The following NPC2 variants were observed in gnomAD, a reference collection of about 807,000 sequenced individuals.
NPC2 encodes Niemann-Pick disease type C2 protein.
A neutral mutation model predicts 17.0 loss-of-function variants in NPC2; 14 were observed. That is an observed-to-expected ratio of 0.82 (90% CI 0.54 to 1.29). NPC2 has a LOEUF of 1.29. NPC2 is among the 50% of genes most tolerant of loss of function. The pLI is 0.00. For synonymous variants in NPC2, 75 were observed against 69.3 expected, an observed-to-expected ratio of 1.08 and a Z score of -0.41; for missense variants, 167 against 183.4, an observed-to-expected ratio of 0.91 and a Z score of 0.52.
In NPC2 at chr14:74,484,596, A is replaced by C; in HGVS notation, c.191-9T>G. On this transcript the variant is annotated splice_polypyrimidine_tract_variant and intron_variant, in intron 2 of 4. Coordinates refer to ENST00000555619, the MANE Select transcript of NPC2 (RefSeq NM_006432.5). ...GCTTTTAGACTGAATATCTAAGAGA[A>C]AAAAAGAGAATCAGATGGCAAAGAA... 1.2e-6 allele frequency: 2 copies of C among 1,614,078 alleles called. No homozygotes were observed. The highest frequency in any genetic ancestry group is 1.7e-6 in the Non-Finnish European group (2 of 1,179,986).
chr14:74,493,051 G>C lies in NPC2; in HGVS notation c.82+142C>G. 2.9e-6 allele frequency: 3 copies of C among 1,042,760 alleles called. No individual in the cohort carries two copies. The South Asian group carries it at 4.8e-5, about 17-fold the overall frequency. 64.6% of individuals were successfully genotyped at this position (1,042,760 alleles called of 1,614,324 possible). On this transcript the variant is annotated intron_variant, in intron 1 of 4. Coordinates refer to ENST00000555619, the MANE Select transcript of NPC2 (RefSeq NM_006432.5). The surrounding 1 kb of genome is among the most constrained non-coding windows in gnomAD (Gnocchi z 4.1). Reference sequence around the variant, plus strand: ...GGCCGGCGCCTTCTCCCCCGACCCAGCCCATTCCAGTTAGGTAGGGTCCAA... The same window carrying C: ...GGCCGGCGCCTTCTCCCCCGACCCACCCCATTCCAGTTAGGTAGGGTCCAA...
chr14:74,480,583 A>G (rs776783802), intron 4 of NPC2, 119 bp downstream of exon 4: 15 of 881,242 alleles, frequency 1.7e-5, no homozygotes, highest in African/African-American at 4.9e-5. Flanking sequence ...AGAGGTTGAG[A>G]GGCATAAAAC....
chr14:74,492,997 C>CA (rs2086791679), intron 1 of NPC2, among the ~76,000 whole-genome samples, 196 bp downstream of exon 1: 1 of 152,218 alleles, frequency 6.6e-6, no homozygotes, highest in Non-Finnish European at 1.5e-5. Context: ...AGGAAAGAAA[C>CA]AAAGTTGTGC....
At chr14:74,486,183 G>A (rs1441943948) in intron 2 of NPC2, 146 bp downstream of exon 2, 2 of 803,532 alleles carry the variant, frequency 2.5e-6, no homozygotes, top group African/African-American at 3.4e-5. Flanking sequence ...AGGGCACAGT[G>A]AACCCTAGCT....
At chr14:74,487,430 G>A (rs137921136) in intron 1 of NPC2, among the ~76,000 whole-genome samples, 150 of 151,822 alleles carry the variant, frequency 9.9e-4, no homozygotes, top group African/African-American at 2.5e-3. Context: ...CACCACACCC[G>A]GCTAATTTTT....
chr14:74,488,933 C>T (rs2086741700), intron 1 of NPC2, among the ~76,000 whole-genome samples: 1 of 152,178 alleles, frequency 6.6e-6, no homozygotes, highest in African/African-American at 2.4e-5. Context: ...TGCACTTCTG[C>T]AGTTTCTTCA....
intron 3 of NPC2, chr14:74,483,359 T>C: frequency 7.1e-7 from 1 of 1,400,618 alleles, no homozygotes; most frequent in Non-Finnish European, 1.0e-6. Flanking sequence ...GAATTTAGCA[T>C]GACAGTGATG....
At position 74,480,779 on chromosome 14, in the gene NPC2, T is replaced by A; in HGVS notation, c.364A>T (p.Ile122Leu). ...KLPVKSEYPSIKLVVEWQLQD... is the reference protein window; with the variant it reads ...KLPVKSEYPSLKLVVEWQLQD... The stretch of plus-strand genomic sequence containing the variant: ...AGTTGCCACTCCACCACCAGTTTTA[T>A]CTGGAGAAAGAGAAAAATAATTGAG... The change falls in exon 4 of 5, where the codon ATA (isoleucine) becomes TTA (leucine). Residue 122 changes from isoleucine to leucine, a missense_variant and splice_region_variant. Transcript: ENST00000555619. 6.2e-7 allele frequency: 1 copy of A among 1,612,854 alleles called. No homozygotes were observed. Among genetic ancestry groups the A allele is most frequent in the Non-Finnish European group, 8.5e-7 (1 of 1,178,840 alleles).
intron 2 of NPC2, 115 bp from the exon 3 acceptor site, chr14:74,484,702 T>G: frequency 9.9e-7 from 1 of 1,014,578 alleles, no homozygotes; most frequent in Non-Finnish European, 1.5e-6. Context: ...TTTCTCTTGA[T>G]AGTGGTGCTT....
rs1190758915 is a variant in NPC2, at chr14:74,486,313, A to G, written c.190+16T>C. The G allele has an allele frequency of 6.4e-7, 1 of 1,567,636 alleles. No individual in the cohort carries two copies. The highest frequency in any genetic ancestry group is 1.3e-5 in the African/African-American group (1 of 74,338). On this transcript the variant is annotated intron_variant, in intron 2 of 4. Coordinates refer to ENST00000555619, the MANE Select transcript of NPC2 (RefSeq NM_006432.5). ...TGCTGTAACATGAATTTGAGTTAAG[A>G]GCCACTTTTACGCACTGCTGGTGAA...
In NPC2 at chr14:74,480,072, C is replaced by T. The variant is rs191935580; in HGVS notation, c.*202G>A. On this transcript the variant is annotated 3_prime_UTR_variant, in exon 5 of 5. Coordinates refer to ENST00000555619, the MANE Select transcript of NPC2 (RefSeq NM_006432.5). Reference sequence around the variant, plus strand: ...CCAAGTGCTGCATTTAATGAAACCACCTAAGACAGAAAAAGAGACATGAGA... The same window carrying T: ...CCAAGTGCTGCATTTAATGAAACCATCTAAGACAGAAAAAGAGACATGAGA... 1.3e-6 allele frequency: 2 copies of T among 1,534,740 alleles called. No individual in the cohort carries two copies. The highest frequency in any genetic ancestry group is 2.0e-5 in the Admixed American group (1 of 50,734).
intron 3 of NPC2, among the ~76,000 whole-genome samples, chr14:74,484,163 T>C (rs886575741): frequency 8.5e-5 from 13 of 152,188 alleles, no homozygotes; most frequent in African/African-American, 2.4e-4. Flanking sequence ...AATTTTAGTA[T>C]ATTAAAAAAC....
intron 2 of NPC2, among the ~76,000 whole-genome samples, chr14:74,484,873 T>C (rs905562624): frequency 2.6e-5 from 4 of 151,990 alleles, no homozygotes; most frequent in South Asian, 2.1e-4. Context: ...AACAACCTTA[T>C]CTAACAAGGC....
Position 74,480,777 on chromosome 14 carries a change from T to A in NPC2, c.366A>T (p.Ile122=). 2 of 1,612,996 alleles carry A rather than the reference T, an allele frequency of 1.2e-6. No individual in the cohort carries two copies. The highest frequency in any genetic ancestry group is 1.1e-5 in the South Asian group (1 of 91,062). ...GAAGTTGCCACTCCACCACCAGTTT[T>A]ATCTGGAGAAAGAGAAAAATAATTG... ...KLPVKSEYPS[I]KLVVEWQLQD... is the part of the protein sequence containing the mutation. Residue 122 remains isoleucine (I), a splice_region_variant and synonymous_variant, in exon 4 of 5, where the codon ATA becomes ATT. Transcript: ENST00000555619.
intron 4 of NPC2, 85 bp from the exon 5 acceptor site, chr14:74,480,373 A>T: frequency 1.6e-6 from 2 of 1,213,626 alleles, no homozygotes; most frequent in Non-Finnish European, 2.5e-6. Context: ...GCAAGTTATC[A>T]GACATTCCTA....
At chr14:74,485,746 A>T (rs2086706310) in intron 2 of NPC2, among the ~76,000 whole-genome samples, 1 of 152,218 alleles carries the variant, frequency 6.6e-6, no homozygotes, top group Admixed American at 6.5e-5. Context: ...CTAGATTCTT[A>T]AAAATCTCAA....
rs539164744 is a variant in NPC2, at chr14:74,486,152, C to G, written c.190+177G>C. On this transcript the variant is annotated intron_variant, in intron 2 of 4. Transcript: ENST00000555619. The stretch of plus-strand genomic sequence containing the variant: ...TAAAGGGAGTCTGGGAGCCATGGAC[C>G]CTGCATGAGAAGGGTGTCCAAGGGC... Among the ~76,000 whole-genome samples, 2 of 152,114 alleles carry G rather than the reference C, an allele frequency of 1.3e-5. 1 individual carries two copies. Among genetic ancestry groups the G allele is most frequent in the East Asian group, 3.8e-4 (2 of 5,200 alleles).
At chr14:74,480,674 A>T (rs202134174) in intron 4 of NPC2, 28 bp downstream of exon 4, 37 of 1,572,406 alleles carry the variant, frequency 2.4e-5, no homozygotes, top group Non-Finnish European at 2.8e-5. Context: ...CCCTCCACCC[A>T]TGCCCTCTCA....
At chr14:74,493,369 C>G, upstream of NPC2, 1 of 1,553,310 alleles carries the variant, frequency 6.4e-7, no homozygotes, top group Non-Finnish European at 8.7e-7. The surrounding 1 kb of genome is among the most constrained non-coding windows in gnomAD (Gnocchi z 4.1). Context: ...GGAGCCCAGT[C>G]AGGCGACCTG....
Sources: allele counts gnomAD v4.1 joint callset (sites outside exome capture counted in the v4.1 genomes callset), GRCh38; gene constraint gnomAD v4.1.1; non-coding constraint Gnocchi (gnomAD v3.1); transcripts MANE v1.5; gene names NCBI Gene and HGNC (gene_info 2026-07-23, HGNC 2026-07-21).